Variants in HMCN1 observed in about 807,000 individuals in gnomAD.
HMCN1 encodes hemicentin 1.
In HMCN1, 321 loss-of-function variants were observed where a neutral mutation model predicts 625.9. The observed-to-expected ratio is 0.51, with a 90% CI of 0.47 to 0.56. The LOEUF (loss-of-function observed/expected upper bound fraction) is 0.56, where lower values mean the gene tolerates loss of function less well. Among genes scored for constraint, HMCN1 ranks in the 20% least tolerant of loss-of-function variants. HMCN1 has a pLI of 0.00. For missense variants in HMCN1, 6,588 were observed against 6,887.3 expected, an observed-to-expected ratio of 0.96 and a Z score of 1.54; for synonymous variants, 2,425 against 2,417.6, an observed-to-expected ratio of 1.00 and a Z score of -0.09.
rs184968308 is a variant in HMCN1, at chr1:186,084,749, A to G, written c.8885-1497A>G. 2.8e-4 allele frequency among the ~76,000 whole-genome samples: 42 copies of G among 152,194 alleles called. No individual in the cohort carries two copies. The East Asian group carries it at 6.6e-3, about 24-fold the overall frequency. On this transcript the variant is annotated intron_variant, in intron 57 of 106. Coordinates refer to ENST00000271588, the MANE Select transcript of HMCN1 (RefSeq NM_031935.3). ...CATATGTTATATGTCCTTGTTGCAT[A>G]TAACAACAAGGACAACAAACTGACT...
intron 11 of HMCN1, among the ~76,000 whole-genome samples, chr1:185,946,358 G>T (rs1668346175): frequency 2.0e-5 from 3 of 152,008 alleles, no homozygotes; most frequent in South Asian, 4.1e-4. Context: ...ACTTTTGATA[G>T]GCAAAATATG....
At chr1:185,902,013 T>C (rs907979040) in intron 4 of HMCN1, among the ~76,000 whole-genome samples, 7 of 151,744 alleles carry the variant, frequency 4.6e-5, no homozygotes, top group African/African-American at 1.7e-4. Flanking sequence ...GATTAGAACA[T>C]ATGAACATCT....
rs777010635 is a variant in HMCN1, at chr1:186,178,418, A to T, written c.15946A>T (p.Ile5316Phe). 5 of 1,611,438 alleles carry T rather than the reference A, an allele frequency of 3.1e-6. No homozygotes were observed. In the Admixed American group the frequency reaches 8.3e-5, roughly 27 times the overall value. The change falls in exon 104 of 107, where the codon ATT becomes TTT. Residue 5316 changes from isoleucine to phenylalanine, a missense_variant and splice_region_variant. Coordinates refer to ENST00000271588, the MANE Select transcript of HMCN1 (RefSeq NM_031935.3). ...TTTATATCATGGCATACGAGCAGAC[A>T]TTAATGAATGTGAACAAGTGCCTAA... ...SQGVGRPCMD[I>F]NECEQVPKPC...
intron 1 of HMCN1, among the ~76,000 whole-genome samples, chr1:185,747,504 C>T (rs180718924): frequency 2.6e-4 from 40 of 152,026 alleles, no homozygotes; most frequent in African/African-American, 8.7e-4. Flanking sequence ...GTTTTTGGTA[C>T]AGACAGGGTT....
intron 2 of HMCN1, among the ~76,000 whole-genome samples, chr1:185,854,417 GAGTAACACTAGTTA>G (rs1662339090): frequency 6.6e-6 from 1 of 152,142 alleles, no homozygotes; most frequent in Admixed American, 6.6e-5. Context: ...CCCCAGACCT[GAGTAACACTAGTTA>G]AAGATTTGAT....
chr1:186,137,394 C>T, intron 87 of HMCN1, 104 bp from the exon 88 acceptor site: 1 of 1,283,136 alleles, frequency 7.8e-7, no homozygotes, highest in Admixed American at 2.0e-5. Flanking sequence ...TATTTCTCAG[C>T]AACTATATAT....
At chr1:186,151,914 C>T (rs1176950560) in intron 95 of HMCN1, among the ~76,000 whole-genome samples, 171 bp downstream of exon 95, 1 of 152,110 alleles carries the variant, frequency 6.6e-6, no homozygotes, top group Non-Finnish European at 1.5e-5. Flanking sequence ...AACATAAGAT[C>T]ATAAGAGGTC....
intron 40 of HMCN1, among the ~76,000 whole-genome samples, chr1:186,041,544 T>C (rs1656207328): frequency 6.6e-6 from 1 of 152,176 alleles, no homozygotes; most frequent in Non-Finnish European, 1.5e-5. Context: ...TGATCAATAC[T>C]ATGTGAATTA....
intron 7 of HMCN1, among the ~76,000 whole-genome samples, chr1:185,922,934 T>C (rs1225849460): frequency 3.3e-5 from 5 of 152,198 alleles, no homozygotes; most frequent in Non-Finnish European, 5.9e-5. Flanking sequence ...TCACATATCA[T>C]TGTATTTCAA....
At chr1:185,787,409 A>G (rs1657696292) in intron 1 of HMCN1, among the ~76,000 whole-genome samples, 1 of 152,144 alleles carries the variant, frequency 6.6e-6, no homozygotes, top group Non-Finnish European at 1.5e-5. Context: ...CAGAGTCTGG[A>G]AAGATTGGCA....
At chr1:186,022,476 A>T (rs1654787849) in intron 35 of HMCN1, among the ~76,000 whole-genome samples, 1 of 152,106 alleles carries the variant, frequency 6.6e-6, no homozygotes, top group African/African-American at 2.4e-5. Context: ...GTTACTAGTA[A>T]CCTCCGAATA....
intron 1 of HMCN1, among the ~76,000 whole-genome samples, chr1:185,745,610 G>A (rs1024862417): frequency 5.9e-5 from 9 of 152,102 alleles, no homozygotes; most frequent in South Asian, 2.1e-4. Flanking sequence ...AGTCTCTTTC[G>A]TTTAAAATAT....
intron 48 of HMCN1, among the ~76,000 whole-genome samples, chr1:186,063,486 GAAGGAAGGAAGGAAGGA>G (rs1273933021): frequency 1.4e-5 from 2 of 146,872 alleles, no homozygotes; most frequent in Non-Finnish European, 3.0e-5. Context: ...AGGAAGGAAG[GAAGGAAGGAAGGAAGGA>G]AGGAAGGAAG....
chr1:186,186,885 C>T (rs1160842599), intron 105 of HMCN1, among the ~76,000 whole-genome samples: 7 of 151,892 alleles, frequency 4.6e-5, no homozygotes, highest in African/African-American at 1.7e-4. Context: ...TCTAAAATAC[C>T]ATTCTTACAT....
intron 32 of HMCN1, 133 bp from the exon 33 acceptor site, chr1:186,016,830 C>T (rs1452785869): frequency 7.1e-6 from 5 of 701,344 alleles, no homozygotes; most frequent in Admixed American, 1.9e-5. Flanking sequence ...CAATGCATTT[C>T]AAGTCCCCTT....
chr1:186,114,175 T>A (rs564778690), intron 73 of HMCN1, 52 bp downstream of exon 73: 1 of 1,599,872 alleles, frequency 6.3e-7, no homozygotes, highest in South Asian at 1.1e-5. Context: ...ATACAAATTC[T>A]TAATTTTTTT....
chr1:185,862,321 T>A (rs1004402743), intron 2 of HMCN1, among the ~76,000 whole-genome samples: 4 of 151,984 alleles, frequency 2.6e-5, no homozygotes, highest in Non-Finnish European at 2.9e-5. Context: ...AGTTTGTACA[T>A]GTAATAAAAT....
At chr1:185,916,887 T>C (rs537829694) in intron 6 of HMCN1, among the ~76,000 whole-genome samples, 1 of 152,246 alleles carries the variant, frequency 6.6e-6, no homozygotes, top group East Asian at 1.9e-4. Context: ...ATGCAGCATC[T>C]TCAGTCACTT....
chr1:185,922,667 A>C (rs1667061139), intron 7 of HMCN1, among the ~76,000 whole-genome samples, 168 bp downstream of exon 7: 2 of 152,184 alleles, frequency 1.3e-5, no homozygotes, highest in Admixed American at 6.5e-5. Context: ...TGTAATCCCA[A>C]GACCACTGAT....
Sources: gnomAD v4.1 joint callset for allele counts (sites outside exome capture counted in the v4.1 genomes callset) on GRCh38, gnomAD v4.1.1 for gene constraint, MANE v1.5 for transcripts, NCBI Gene and HGNC (gene_info 2026-07-23, HGNC 2026-07-21) for gene names.